Variants in FAM219A observed in about 807,000 individuals in gnomAD.
FAM219A encodes the protein family with sequence similarity 219 member A.
Under a neutral mutation model 23.4 loss-of-function variants are expected in FAM219A, and 7 were observed. The observed-to-expected ratio is 0.30, with a 90% confidence interval of 0.17 to 0.56. FAM219A has a LOEUF of 0.56. Among genes scored for constraint, FAM219A ranks in the 20% least tolerant of loss-of-function variants. The pLI is 0.92. For synonymous variants in FAM219A, 93 were observed against 99.0 expected (o/e 0.94, Z 0.36); for missense variants, 166 against 246.9 (o/e 0.67, Z 2.20).
intron 1 of FAM219A, among the ~76,000 whole-genome samples, chr9:34,436,494 C>T (rs183443265): frequency 6.6e-6 from 1 of 152,314 alleles, no homozygotes; most frequent in East Asian, 1.9e-4. Flanking sequence ...AATCCTCCCA[C>T]CTCGGCCTCC....
intron 1 of FAM219A, chr9:34,406,313 T>C: frequency 1.0e-6 from 1 of 985,432 alleles, no homozygotes; most frequent in Middle Eastern, 5.2e-4. Flanking sequence ...CCTCAGGCCC[T>C]TCCTGTGTAC....
At chr9:34,453,861 GCAGA>G (rs1035797217) in intron 1 of FAM219A, among the ~76,000 whole-genome samples, 5 of 152,226 alleles carry the variant, frequency 3.3e-5, no homozygotes, top group Non-Finnish European at 5.9e-5. Context: ...AACAAGCTGA[GCAGA>G]CAGACAATAG....
At chr9:34,412,156 C>G (rs921569790) in intron 1 of FAM219A, among the ~76,000 whole-genome samples, 2 of 152,016 alleles carry the variant, frequency 1.3e-5, no homozygotes, top group Admixed American at 6.6e-5. Context: ...GTGCAAGACG[C>G]CTGGGAAGGG....
At chr9:34,424,280 G>C (rs1251431800) in intron 1 of FAM219A, among the ~76,000 whole-genome samples, 1 of 152,180 alleles carries the variant, frequency 6.6e-6, no homozygotes, top group Non-Finnish European at 1.5e-5. Flanking sequence ...TCAAGATGCT[G>C]TTCTCAGGCT....
intron 1 of FAM219A, among the ~76,000 whole-genome samples, chr9:34,451,615 C>T (rs1007862354): frequency 6.6e-6 from 1 of 152,146 alleles, no homozygotes; most frequent in Non-Finnish European, 1.5e-5. Context: ...AGTGAAGAAG[C>T]CTGTTTTCCA....
intron 1 of FAM219A, among the ~76,000 whole-genome samples, chr9:34,425,584 C>T (rs141105058): frequency 0.012 from 1,847 of 152,342 alleles, 13 homozygotes; most frequent in Middle Eastern, 0.031. Context: ...CATGCCTCCA[C>T]TGTGCTTGGA....
chr9:34,410,594 T>G (rs567963279), intron 1 of FAM219A, among the ~76,000 whole-genome samples: 1 of 152,306 alleles, frequency 6.6e-6, no homozygotes, highest in East Asian at 1.9e-4. Flanking sequence ...AAGTACCCAG[T>G]AGACATGTGA....
Position 34,401,625 on chromosome 9 carries a change from C to T in FAM219A, c.399+41G>A, listed in dbSNP as rs746200079. 24 of 1,593,094 alleles carry T rather than the reference C, an allele frequency of 1.5e-5. No homozygotes were observed. In the Admixed American group the frequency reaches 3.2e-4, roughly 21 times the overall value. Reference sequence around the variant, plus strand: ...GCCCTCCCCCGGGATGGCAGTGATCCTGCCCGGTGGTGTCTAGGGTGAGAA... The same window carrying T: ...GCCCTCCCCCGGGATGGCAGTGATCTTGCCCGGTGGTGTCTAGGGTGAGAA... On this transcript the variant is annotated intron_variant, in intron 5 of 5. Coordinates refer to ENST00000651358, the MANE Select transcript of FAM219A (RefSeq NM_001184940.2).
intron 2 of FAM219A, among the ~76,000 whole-genome samples, chr9:34,403,125 G>T (rs554668664): frequency 1.3e-5 from 2 of 152,178 alleles, no homozygotes; most frequent in African/African-American, 4.8e-5. Context: ...GAAGGATGGC[G>T]CAGTCAGAGA....
intron 1 of FAM219A, among the ~76,000 whole-genome samples, chr9:34,446,512 C>T (rs754408833): frequency 6.6e-6 from 1 of 152,230 alleles, no homozygotes; most frequent in Non-Finnish European, 1.5e-5. Context: ...TTTGGAAGGA[C>T]TAGGACATTT....
intron 1 of FAM219A, among the ~76,000 whole-genome samples, chr9:34,442,870 G>A: frequency 6.6e-6 from 1 of 152,022 alleles, no homozygotes; most frequent in Non-Finnish European, 1.5e-5. Context: ...CATTTTTAGA[G>A]ATAGTATAAT....
chr9:34,427,458 A>T (rs552044407), intron 1 of FAM219A, among the ~76,000 whole-genome samples: 8 of 152,336 alleles, frequency 5.3e-5, no homozygotes, highest in African/African-American at 1.9e-4. Context: ...TCTATAATGT[A>T]GTCTCACAGC....
chr9:34,444,224 G>A (rs1341391690), intron 1 of FAM219A, among the ~76,000 whole-genome samples: 1 of 152,216 alleles, frequency 6.6e-6, no homozygotes, highest in Non-Finnish European at 1.5e-5. Flanking sequence ...GCCTGCCAAT[G>A]TGGCTACTGG....
chr9:34,424,465 C>T (rs1308935430), intron 1 of FAM219A, among the ~76,000 whole-genome samples: 8 of 151,940 alleles, frequency 5.3e-5, no homozygotes, highest in Admixed American at 5.2e-4. Context: ...GGGCTGAAGG[C>T]AAGGGAGGCT....
Position 34,398,331 on chromosome 9 carries a change from A to C in FAM219A, c.*2633T>G. The C allele has an allele frequency of 6.4e-7, 1 of 1,550,876 alleles. No homozygotes were observed. On this transcript the variant is annotated 3_prime_UTR_variant, in exon 6 of 6. Coordinates refer to ENST00000651358, the MANE Select transcript of FAM219A (RefSeq NM_001184940.2). ...CCTTCCTGGAAATAAATTAGTGAGC[A>C]CGGAGAAACCTGGCTGGGTGGCAGC...
At chr9:34,410,441 T>C (rs1821782363) in intron 1 of FAM219A, among the ~76,000 whole-genome samples, 1 of 152,160 alleles carries the variant, frequency 6.6e-6, no homozygotes, top group Admixed American at 6.5e-5. Context: ...GATAAGTAGA[T>C]GGAAGAGTCT....
intron 1 of FAM219A, among the ~76,000 whole-genome samples, chr9:34,410,515 T>C (rs1467940563): frequency 6.6e-6 from 1 of 152,090 alleles, no homozygotes; most frequent in Admixed American, 6.5e-5. Context: ...TGGCAAAAAA[T>C]AAAACTTGTA....
chr9:34,413,985 A>G (rs1319997928), intron 1 of FAM219A, among the ~76,000 whole-genome samples: 1 of 152,238 alleles, frequency 6.6e-6, no homozygotes, highest in Non-Finnish European at 1.5e-5. Context: ...GTTCAGGGCT[A>G]TTCCATTCCA....
intron 1 of FAM219A, chr9:34,406,411 C>T: frequency 2.0e-6 from 2 of 985,416 alleles, no homozygotes; most frequent in Non-Finnish European, 2.4e-6. Flanking sequence ...TCTTCTCCCT[C>T]TGTTTCCCTG....
Sources: allele counts gnomAD v4.1 joint callset (sites outside exome capture counted in the v4.1 genomes callset), GRCh38; gene constraint gnomAD v4.1.1; transcripts MANE v1.5; gene names NCBI Gene and HGNC (gene_info 2026-07-23, HGNC 2026-07-21).